Variants in STK32B observed in about 807,000 individuals in gnomAD.
The protein encoded by STK32B is serine/threonine kinase 32B.
STK32B carries 43 observed loss-of-function variants against 52.6 expected under a neutral mutation model. The observed-to-expected ratio is 0.82, with a 90% CI of 0.64 to 1.05. STK32B has a LOEUF of 1.05. STK32B is among the 50% of genes least tolerant of loss of function. The probability of loss-of-function intolerance (pLI) is 0.00; values close to 1 mark genes in which losing one functional copy is unlikely to be tolerated. For missense variants in STK32B, 621 were observed against 534.6 expected, an observed-to-expected ratio of 1.16 and a Z score of -1.59; for synonymous variants, 238 against 204.3, an observed-to-expected ratio of 1.17 and a Z score of -1.41.
intron 6 of STK32B, among the ~76,000 whole-genome samples, chr4:5,426,651 C>G (rs896335417): frequency 3.0e-5 from 4 of 132,428 alleles, no homozygotes; most frequent in Admixed American, 9.4e-5. Context: ...GATCGCATCA[C>G]TGCACTCCAG....
At chr4:5,172,259 G>GA (rs1425433764) in intron 3 of STK32B, among the ~76,000 whole-genome samples, 1 of 152,114 alleles carries the variant, frequency 6.6e-6, no homozygotes, top group Non-Finnish European at 1.5e-5. Context: ...TGCAAACAGG[G>GA]ACAATTTGAC....
chr4:5,308,121 T>C (rs1456958813), intron 3 of STK32B, among the ~76,000 whole-genome samples: 4 of 152,156 alleles, frequency 2.6e-5, no homozygotes, highest in African/African-American at 9.7e-5. Context: ...CCAGGAGGTG[T>C]CGCTTTCAAG....
chr4:5,411,007 A>G (rs552774114), intron 5 of STK32B, among the ~76,000 whole-genome samples: 2 of 151,460 alleles, frequency 1.3e-5, no homozygotes, highest in Admixed American at 6.6e-5. Context: ...CATGAGGTGA[A>G]TAATCCAGTC....
chr4:5,457,391 AT>A (rs1272180873), intron 8 of STK32B, among the ~76,000 whole-genome samples: 1 of 150,212 alleles, frequency 6.7e-6, no homozygotes, highest in Non-Finnish European at 1.5e-5. Flanking sequence ...AATTTTTTGT[AT>A]TTTTAGTAGA....
Position 5,276,952 on chromosome 4 carries a change from G to A in STK32B, c.261-54268G>A, listed in dbSNP as rs530814432. On this transcript the variant is annotated intron_variant, in intron 3 of 11. Transcript: ENST00000282908. ...CATATAGAGGACACTCTATAAATACGTGTTTAATGCCATTCATTTGGACTG... is the reference window on the plus strand; with the variant it reads ...CATATAGAGGACACTCTATAAATACATGTTTAATGCCATTCATTTGGACTG... Among the ~76,000 whole-genome samples, 27 of 152,286 alleles carry A rather than the reference G, an allele frequency of 1.8e-4. 1 individual carries two copies. The South Asian group carries it at 4.2e-3, about 23-fold the overall frequency.
At position 5,499,565 on chromosome 4, in the gene STK32B, T is replaced by C. The variant is rs1720573168; in HGVS notation, c.*482T>C. The C allele has an allele frequency of 6.5e-6, 1 of 153,030 alleles. No homozygotes were observed. Among genetic ancestry groups the C allele is most frequent in the African/African-American group, 2.4e-5 (1 of 41,502 alleles). 9.5% of individuals were successfully genotyped at this position (153,030 alleles called of 1,614,324 possible). A position where few individuals can be genotyped will look rare whatever the true frequency, so the allele number is the denominator to read the frequency against. ...GACAGCAAAATAAAGGTCTGATATG[T>C]TGGCCCCTTCTATGGAAACAACGCT... is the stretch of plus-strand genomic sequence containing the variant. On this transcript the variant is annotated 3_prime_UTR_variant, in exon 12 of 12. Coordinates refer to ENST00000282908, the MANE Select transcript of STK32B (RefSeq NM_018401.3).
upstream of STK32B, among the ~76,000 whole-genome samples, chr4:5,050,787 G>A (rs1741735332): frequency 6.6e-6 from 1 of 152,166 alleles, no homozygotes; most frequent in African/African-American, 2.4e-5. Flanking sequence ...CGCAACTGTG[G>A]CGCGTATCTC....
At chr4:5,456,720 A>G (rs2109141641) in intron 7 of STK32B, 87 bp from the exon 8 acceptor site, 1 of 1,160,882 alleles carries the variant, frequency 8.6e-7, no homozygotes, top group Non-Finnish European at 1.2e-6. Flanking sequence ...AGAATAAACC[A>G]TCCCTCATAA....
At chr4:5,310,027 G>A (rs530779503) in intron 3 of STK32B, among the ~76,000 whole-genome samples, 11 of 152,134 alleles carry the variant, frequency 7.2e-5, no homozygotes, top group African/African-American at 1.7e-4. Context: ...TTAGCCGGGC[G>A]TGGTGGCAAG....
At chr4:5,159,724 TATGAATATATA>T (rs2108723136) in intron 2 of STK32B, among the ~76,000 whole-genome samples, 1 of 121,750 alleles carries the variant, frequency 8.2e-6, no homozygotes, top group South Asian at 2.4e-4. Context: ...TATGAATGTA[TATGAATATATA>T]TATGAATATA....
chr4:5,484,685 G>T (rs545680780), intron 11 of STK32B, among the ~76,000 whole-genome samples: 1 of 152,012 alleles, frequency 6.6e-6, no homozygotes, highest in Non-Finnish European at 1.5e-5. Flanking sequence ...TCCTAGCCTC[G>T]ATGGTCTTTA....
intron 4 of STK32B, among the ~76,000 whole-genome samples, chr4:5,366,158 G>C (rs900433030): frequency 6.6e-6 from 1 of 152,140 alleles, no homozygotes; most frequent in Non-Finnish European, 1.5e-5. Context: ...GCTGTGCTCC[G>C]AGCAGAAAGT....
intron 3 of STK32B, among the ~76,000 whole-genome samples, chr4:5,283,227 A>T (rs1294805576): frequency 6.6e-6 from 1 of 152,114 alleles, no homozygotes; most frequent in Non-Finnish European, 1.5e-5. Context: ...AGAGTCATTA[A>T]TGTTGTCACA....
chr4:5,156,543 G>A (rs1560183418), intron 2 of STK32B, among the ~76,000 whole-genome samples: 1 of 152,178 alleles, frequency 6.6e-6, no homozygotes, highest in Non-Finnish European at 1.5e-5. Flanking sequence ...CCACGGTGAA[G>A]TGCTCCACTT....
chr4:5,366,497 G>T (rs7673097), intron 4 of STK32B, among the ~76,000 whole-genome samples: 7,664 of 152,266 alleles, frequency 0.05, 307 homozygotes, highest in African/African-American at 0.1. Context: ...TGACAGTGGA[G>T]ATGAGACAAG....
chr4:5,130,169 GGC>G lies in STK32B; in HGVS notation c.53-9734_53-9733del, dbSNP rs1560166835. Among the ~76,000 whole-genome samples the G allele has an allele frequency of 8.4e-5, 12 of 143,212 alleles. No homozygotes were observed. The East Asian group carries it at 1.8e-3, about 22-fold the overall frequency. 94.0% of individuals were successfully genotyped at this position (143,212 alleles called of 152,430 possible). A position where few individuals can be genotyped will look rare whatever the true frequency, so the allele number is the denominator to read the frequency against. On this transcript the variant is annotated intron_variant, in intron 1 of 11. Coordinates refer to ENST00000282908, the MANE Select transcript of STK32B (RefSeq NM_018401.3). ...TGAGGGAAGACCTCTCACCTTCTCC[GGC>G]GGGGGGAGGCCTGGGGGATGGGAAG... is the stretch of plus-strand genomic sequence containing the variant.
At chr4:5,430,691 C>G (rs71597759) in intron 6 of STK32B, among the ~76,000 whole-genome samples, 2 of 108,636 alleles carry the variant, frequency 1.8e-5, no homozygotes, top group Non-Finnish European at 3.4e-5. Context: ...TACTACTATG[C>G]TTTTAGTTTT....
intron 4 of STK32B, among the ~76,000 whole-genome samples, chr4:5,335,335 AT>A (rs1187264744): frequency 1.6e-4 from 24 of 151,874 alleles, no homozygotes; most frequent in Non-Finnish European, 2.9e-4. Flanking sequence ...CCCCTTTATC[AT>A]TTTTTATTGC....
chr4:5,105,513 G>A (rs1714048055), intron 1 of STK32B, among the ~76,000 whole-genome samples: 1 of 151,992 alleles, frequency 6.6e-6, no homozygotes, highest in South Asian at 2.1e-4. Flanking sequence ...TTCTGGCTCT[G>A]TGATAGAAAT....
Sources: allele counts gnomAD v4.1 joint callset (sites outside exome capture counted in the v4.1 genomes callset), GRCh38; gene constraint gnomAD v4.1.1; transcripts MANE v1.5; gene names NCBI Gene and HGNC (gene_info 2026-07-23, HGNC 2026-07-21).